The following ARGLU1 variants were observed in gnomAD, a reference collection of about 807,000 sequenced individuals.
The protein encoded by ARGLU1 is arginine and glutamate-rich protein 1.
In ARGLU1, 9 loss-of-function variants were observed where a neutral mutation model predicts 37.6. The observed-to-expected ratio is 0.24, with a 90% CI of 0.14 to 0.42. The LOEUF is 0.42. Among genes scored for constraint, ARGLU1 ranks in the 10% least tolerant of loss-of-function variants. The pLI, the probability that ARGLU1 is intolerant of heterozygous loss-of-function variation, is 1.00. For synonymous variants in ARGLU1, 166 were observed against 138.5 expected (o/e 1.20, Z -1.39); for missense variants, 211 against 359.2 (o/e 0.59, Z 3.34).
At chr13:106,553,420 A>C (rs936041786) in intron 3 of ARGLU1, among the ~76,000 whole-genome samples, 2 of 152,228 alleles carry the variant, frequency 1.3e-5, no homozygotes, top group African/African-American at 4.8e-5. Flanking sequence ...GTATCTTTGT[A>C]CATAAATTCA....
intron 3 of ARGLU1, among the ~76,000 whole-genome samples, chr13:106,546,649 G>C (rs1265821280): frequency 6.6e-6 from 1 of 152,046 alleles, no homozygotes; most frequent in Admixed American, 6.5e-5. Context: ...ATGTAGTAAG[G>C]GTTCTTTGGA....
In ARGLU1 at chr13:106,544,113, C is replaced by T. The variant is rs1880330648; in HGVS notation, c.705G>A (p.Glu235=). 1.3e-6 allele frequency: 2 copies of T among 1,598,282 alleles called. No homozygotes were observed. Among genetic ancestry groups the T allele is most frequent in the South Asian group, 1.2e-5 (1 of 86,490 alleles). ...RIVEEQRKIH[E]ERMKLEQERQ... ...GTTCTTGTTCTAGTTTCATCCTTTC[C>T]TCATGAATCTTTCTTTGTTCTTCAA... The change falls in exon 4 of 4, where the codon GAG becomes GAA. Residue 235 remains glutamate, a synonymous_variant. Transcript: ENST00000400198.
At chr13:106,544,777 G>GACTATATTATAGTATCAGTAGACA (rs1880350155) in intron 3 of ARGLU1, among the ~76,000 whole-genome samples, 2 of 152,160 alleles carry the variant, frequency 1.3e-5, no homozygotes, top group Admixed American at 6.5e-5. Context: ...AAAAAAAAGG[G>GACTATATTATAGTATCAGTAGACA]ACTATATTAT....
chr13:106,558,092 G>A, intron 2 of ARGLU1: 2 of 985,126 alleles, frequency 2.0e-6, no homozygotes, highest in Non-Finnish European at 2.4e-6. Context: ...TTTAATATTT[G>A]GAAAGACTGT....
intron 3 of ARGLU1, among the ~76,000 whole-genome samples, chr13:106,549,748 C>CGATTT (rs1880487065): frequency 6.6e-6 from 1 of 152,174 alleles, no homozygotes; most frequent in African/African-American, 2.4e-5. Context: ...AATCTTAAAT[C>CGATTT]ATTTTTGAAA....
chr13:106,567,685 G>C lies in ARGLU1; in HGVS notation c.235C>G (p.Pro79Ala). 1 of 1,613,214 alleles carries C rather than the reference G, an allele frequency of 6.2e-7. No individual in the cohort carries two copies. Among genetic ancestry groups the C allele is most frequent in the Non-Finnish European group, 8.5e-7 (1 of 1,179,558 alleles). The change falls in exon 1 of 4, where the codon CCC becomes GCC. Residue 79 changes from proline (P) to alanine (A), a missense_variant. Around this residue, in one of 3 missense-constraint regions of ARGLU1, gnomAD observed 130 missense variants for 179.8 expected, o/e 0.72. Coordinates refer to ENST00000400198, the MANE Select transcript of ARGLU1 (RefSeq NM_018011.4). The surrounding 1 kb of genome is among the most constrained non-coding windows in gnomAD (Gnocchi z 4.3). The stretch of plus-strand genomic sequence containing the variant: ...CGCCCGAAGATGTCGATGCGGTCGG[G>C]CGGGGACGAGGCGCGCTCCCGGTCC... ...ERDRERASSPPDRIDIFGRTV... is the reference protein window; with the variant it reads ...ERDRERASSPADRIDIFGRTV...
At position 106,543,990 on chromosome 13, in the gene ARGLU1, T is replaced by C; in HGVS notation, c.*6A>G. ...TTTTCTTTGTAAAAAGTTCAGAGTT[T>C]GCAATTTAATCCTGGGTTTTTAATG... is the stretch of plus-strand genomic sequence containing the variant. On this transcript the variant is annotated 3_prime_UTR_variant, in exon 4 of 4. Coordinates refer to ENST00000400198, the MANE Select transcript of ARGLU1 (RefSeq NM_018011.4). The C allele has an allele frequency of 6.3e-7, 1 of 1,581,352 alleles. No individual in the cohort carries two copies. Among genetic ancestry groups the C allele is most frequent in the Non-Finnish European group, 8.5e-7 (1 of 1,170,096 alleles).
Position 106,559,588 on chromosome 13 carries a change from T to C in ARGLU1, c.417A>G (p.Ala139=). 1 of 1,614,248 alleles carries C rather than the reference T, an allele frequency of 6.2e-7. No individual in the cohort carries two copies. ...ETARRVEELV[A]KRVEEELEKR... ...TCTCCAGTTCTTCCTCCACCCTTTT[T>C]GCTACCAATTCTTCTACTCTTCGTG... The change falls in exon 2 of 4, where the codon GCA becomes GCG. Residue 139 remains alanine, a synonymous_variant. Transcript: ENST00000400198.
intron 1 of ARGLU1, among the ~76,000 whole-genome samples, chr13:106,562,798 T>C (rs909900600): frequency 3.3e-5 from 5 of 151,772 alleles, no homozygotes; most frequent in African/African-American, 1.2e-4. Flanking sequence ...GAGACCATCC[T>C]GGCTAACACG....
intron 3 of ARGLU1, among the ~76,000 whole-genome samples, chr13:106,553,489 TATTTACTG>T (rs1165040871): frequency 2.6e-5 from 4 of 152,230 alleles, no homozygotes; most frequent in African/African-American, 9.6e-5. Context: ...AAGTTTTTTA[TATTTACTG>T]ATTTACTGTT....
At chr13:106,550,834 T>C (rs1056464275) in intron 3 of ARGLU1, among the ~76,000 whole-genome samples, 2 of 152,120 alleles carry the variant, frequency 1.3e-5, no homozygotes, top group South Asian at 4.1e-4. Context: ...AATCTCTGTG[T>C]TTGTTTTCAC....
Position 106,542,440 on chromosome 13 carries a change from A to G in ARGLU1, c.*1556T>C, listed in dbSNP as rs1880285324. 1 of 152,130 alleles carries G rather than the reference A, an allele frequency of 6.6e-6. No individual in the cohort carries two copies. The highest frequency in any genetic ancestry group is 1.5e-5 in the Non-Finnish European group (1 of 67,984). 9.4% of individuals were successfully genotyped at this position (152,130 alleles called of 1,614,324 possible). On this transcript the variant is annotated 3_prime_UTR_variant, in exon 4 of 4. Coordinates refer to ENST00000400198, the MANE Select transcript of ARGLU1 (RefSeq NM_018011.4). ...AGTATGTTTACTAAAAGTTCTCACT[A>G]TATTTCATGCCTATTTAAAATTCTA...
Position 106,568,126 on chromosome 13 carries a change from G to C in ARGLU1, c.-207C>G, listed in dbSNP as rs1460038484. 4 of 726,372 alleles carry C rather than the reference G, an allele frequency of 5.5e-6. No homozygotes were observed. Among genetic ancestry groups the C allele is most frequent in the East Asian group, 6.6e-5 (2 of 30,526 alleles). The allele number at this position is 726,372 out of a possible 1,614,324, so 45.0% of individuals were successfully genotyped here. On this transcript the variant is annotated 5_prime_UTR_variant, in exon 1 of 4. In the 5' UTR this introduces an upstream ATG that the reference lacks. Transcript: ENST00000400198. ...AACCCGTAGCGCCAGGCGCCCCTAA[G>C]ATGGCAGCTGCGGCTGCACCGGCCG...
rs201575538 is a variant in ARGLU1 at position 106,567,879 on chromosome 13, T to C, written c.41A>G (p.His14Arg). The C allele has an allele frequency of 6.2e-7, 1 of 1,611,774 alleles. No homozygotes were observed. Among genetic ancestry groups the C allele is most frequent in the Non-Finnish European group, 8.5e-7 (1 of 1,179,666 alleles). ...CTTGTTGTGCTTGCTGCTCTTGGTG[T>C]GCTTGGAGCGGGACGAGCTCCGGCT... Reference protein sequence around the residue: ...SRSRSSSRSKHTKSSKHNKKR... With the variant: ...SRSRSSSRSKRTKSSKHNKKR... The change falls in exon 1 of 4, where the codon CAC (histidine) becomes CGC (arginine). Residue 14 changes from histidine to arginine, a missense_variant. His to Arg is a conservative substitution (Grantham distance 29, BLOSUM62 0). This residue lies in a region of ARGLU1 where 130 missense variants were observed against 179.8 expected (regional missense o/e 0.72). Transcript: ENST00000400198. This position sits in a 1 kb window ranked among gnomAD's most constrained non-coding sequence, Gnocchi z 4.3.
chr13:106,563,254 A>C (rs934375251), intron 1 of ARGLU1, among the ~76,000 whole-genome samples: 2 of 152,180 alleles, frequency 1.3e-5, no homozygotes, highest in Non-Finnish European at 2.9e-5. Context: ...TTTATATACC[A>C]TGTCATCATT....
chr13:106,560,203 T>G (rs926086748), intron 1 of ARGLU1, among the ~76,000 whole-genome samples: 1 of 152,238 alleles, frequency 6.6e-6, no homozygotes, highest in Admixed American at 6.5e-5. Context: ...AGTTTTGAAC[T>G]GAAGTTCTTT....
chr13:106,567,612 T>C lies in ARGLU1; in HGVS notation c.308A>G (p.Glu103Gly). Residue 103 changes from glutamate to glycine, a missense_variant, in exon 1 of 4, where the codon GAG becomes GGG. Transcript: ENST00000400198. The surrounding 1 kb of genome is among the most constrained non-coding windows in gnomAD (Gnocchi z 4.3). ...CTCGAACTCCGCTTTCTTCTCCTCC[T>C]CCTCTCGCTTCTGCTTCTCGTCCAG... The part of the protein sequence containing the change: ...SSLDEKQKRE[E>G]EEKKAEFERQ... 6.2e-7 allele frequency: 1 copy of C among 1,613,302 alleles called. No individual in the cohort carries two copies. Among genetic ancestry groups the C allele is most frequent in the Non-Finnish European group, 8.5e-7 (1 of 1,179,580 alleles).
rs1881003240 is a variant in ARGLU1, at chr13:106,567,501, GC to G, written c.347+71del. On this transcript the variant is annotated intron_variant, in intron 1 of 3. Transcript: ENST00000400198. The surrounding 1 kb of genome is among the most constrained non-coding windows in gnomAD (Gnocchi z 4.3). ...CCATTCTCCCGGCCCGCACCGTCCC[GC>G]CCCGGCCCCACGCCCTCGCCCCGCG... The G allele has an allele frequency of 8.9e-7, 1 of 1,128,290 alleles. No individual in the cohort carries two copies. The highest frequency in any genetic ancestry group is 1.3e-6 in the Non-Finnish European group (1 of 764,648). 69.9% of individuals were successfully genotyped at this position (1,128,290 alleles called of 1,614,324 possible). A position where few individuals can be genotyped will look rare whatever the true frequency, so the allele number is the denominator to read the frequency against.
At chr13:106,559,043 G>A (rs531353094) in intron 2 of ARGLU1, 1 of 1,201,100 alleles carries the variant, frequency 8.3e-7, no homozygotes, top group Non-Finnish European at 1.1e-6. Flanking sequence ...TCACAGTCTA[G>A]GTAACAGAGT....
Sources: gnomAD v4.1 joint callset for allele counts (sites outside exome capture counted in the v4.1 genomes callset) on GRCh38, gnomAD v4.1.1 for gene constraint, gnomAD v4.1.1 regional missense constraint, Gnocchi (gnomAD v3.1) non-coding constraint, MANE v1.5 for transcripts, NCBI Gene and HGNC (gene_info 2026-07-23, HGNC 2026-07-21) for gene names.